The following LOC128092252 variants were observed in gnomAD, a reference collection of about 807,000 sequenced individuals.
chr15:50,668,415 A>G, the LOC128092252 span, among the ~76,000 whole-genome samples: 1 of 152,154 alleles, frequency 6.6e-6, no homozygotes, highest in Non-Finnish European at 1.5e-5. Context: ...ACTCCTGTGG[A>G]CAAAATTTGG....
At chr15:50,657,657 G>A in the LOC128092252 span, 22 of 813,714 alleles carry the variant, frequency 2.7e-5, no homozygotes, top group Non-Finnish European at 4.1e-5. Context: ...TCCAAGTCTA[G>A]GTAAAGTACC....
chr15:50,685,874 G>C, the LOC128092252 span, among the ~76,000 whole-genome samples: 2 of 152,108 alleles, frequency 1.3e-5, no homozygotes, highest in African/African-American at 4.8e-5. Flanking sequence ...CTGACTGACA[G>C]TACATTGTCT....
chr15:50,668,843 G>T, the LOC128092252 span, among the ~76,000 whole-genome samples: 1 of 152,120 alleles, frequency 6.6e-6, no homozygotes, highest in Admixed American at 6.6e-5. Context: ...GTAAGAATCG[G>T]TTTTCTCTTG....
the LOC128092252 span, among the ~76,000 whole-genome samples, chr15:50,679,466 TATTTC>T: frequency 2.9e-5 from 4 of 139,988 alleles, no homozygotes; most frequent in African/African-American, 5.7e-5. Flanking sequence ...CTACAGGTTT[TATTTC>T]ATTTATATAT....
the LOC128092252 span, among the ~76,000 whole-genome samples, chr15:50,651,613 T>C: frequency 6.6e-6 from 1 of 152,048 alleles, no homozygotes; most frequent in African/African-American, 2.4e-5. Flanking sequence ...CCTGGCAACA[T>C]AGTAAGACTC....
chr15:50,650,269 GA>G, the LOC128092252 span, among the ~76,000 whole-genome samples: 3 of 146,354 alleles, frequency 2.0e-5, no homozygotes, highest in Non-Finnish European at 4.5e-5. Context: ...AGCAATAGCC[GA>G]AACAATTTCT....
At chr15:50,665,546 A>C in the LOC128092252 span, among the ~76,000 whole-genome samples, 1 of 152,210 alleles carries the variant, frequency 6.6e-6, no homozygotes, top group African/African-American at 2.4e-5. Context: ...TCAACACTTT[A>C]TATAACTTGA....
chr15:50,678,250 AACAAAAACAAAAAC>A, the LOC128092252 span, among the ~76,000 whole-genome samples: 2 of 125,650 alleles, frequency 1.6e-5, no homozygotes, highest in Non-Finnish European at 3.5e-5. Flanking sequence ...AAAAAAAAAA[AACAAAAACAAAAAC>A]AAAAACAAAA....
the LOC128092252 span, among the ~76,000 whole-genome samples, chr15:50,671,472 T>A: frequency 1.3e-5 from 2 of 152,124 alleles, no homozygotes; most frequent in African/African-American, 4.8e-5. Flanking sequence ...GACCGCATAT[T>A]TAACAGTGGT....
At chr15:50,678,517 A>AAAAAT in the LOC128092252 span, among the ~76,000 whole-genome samples, 124 of 132,704 alleles carry the variant, frequency 9.3e-4, no homozygotes, top group African/African-American at 3.3e-3. Flanking sequence ...AAAAAAAAAA[A>AAAAAT]ATATATATAT....
chr15:50,655,816 C>CTAGT, the LOC128092252 span, among the ~76,000 whole-genome samples: 1 of 152,026 alleles, frequency 6.6e-6, no homozygotes, highest in South Asian at 2.1e-4. Flanking sequence ...ATGGTGAAAC[C>CTAGT]CCATCTATAC....
the LOC128092252 span, chr15:50,686,396 C>A: frequency 6.8e-7 from 1 of 1,465,276 alleles, no homozygotes; most frequent in East Asian, 2.4e-5. Context: ...GAGGACAAAT[C>A]CGGAAGCCTC....
the LOC128092252 span, among the ~76,000 whole-genome samples, chr15:50,659,550 G>C: frequency 6.6e-6 from 1 of 152,132 alleles, no homozygotes; most frequent in Non-Finnish European, 1.5e-5. Flanking sequence ...AATGGTTAAA[G>C]GTGGGGATAC....
the LOC128092252 span, among the ~76,000 whole-genome samples, chr15:50,665,217 G>A: frequency 6.6e-6 from 1 of 151,876 alleles, no homozygotes; most frequent in South Asian, 2.1e-4. Context: ...TAACCAACAT[G>A]GTGAAACCCG....
chr15:50,682,221 A>T, the LOC128092252 span, among the ~76,000 whole-genome samples: 2 of 150,636 alleles, frequency 1.3e-5, no homozygotes, highest in Non-Finnish European at 3.0e-5. Context: ...ATATGTCAAG[A>T]GTCAAGTCTT....
At chr15:50,662,857 C>T in the LOC128092252 span, 56 of 789,690 alleles carry the variant, frequency 7.1e-5, 1 homozygote, top group Non-Finnish European at 2.5e-5. Context: ...TAAAAAGTAA[C>T]AGTAAGTACA....
At chr15:50,679,538 A>ATATATATATATATATTT in the LOC128092252 span, among the ~76,000 whole-genome samples, 6 of 43,900 alleles carry the variant, frequency 1.4e-4, no homozygotes, top group African/African-American at 6.4e-4. Flanking sequence ...ATATATATAT[A>ATATATATATATATATTT]TTTTTTTTTT....
the LOC128092252 span, among the ~76,000 whole-genome samples, chr15:50,675,469 C>A: frequency 6.6e-6 from 1 of 152,180 alleles, no homozygotes; most frequent in Non-Finnish European, 1.5e-5. Context: ...TCTTCCCACA[C>A]GTAGCATTCT....
At chr15:50,685,042 G>A in the LOC128092252 span, among the ~76,000 whole-genome samples, 36 of 152,202 alleles carry the variant, frequency 2.4e-4, no homozygotes, top group Admixed American at 5.2e-4. Context: ...ACATTTGTCT[G>A]GGATTTGCTT....
Sources: allele counts gnomAD v4.1 joint callset (sites outside exome capture counted in the v4.1 genomes callset), GRCh38; gene constraint gnomAD v4.1.1; transcripts MANE v1.5.